IL5RA: variants seen among roughly 807,000 people sequenced by gnomAD.
The protein encoded by IL5RA is interleukin 5 receptor subunit alpha, also known as interleukin-5 receptor subunit alpha.
IL5RA carries 49 observed loss-of-function variants against 50.0 expected under a neutral mutation model. The ratio of observed to expected loss-of-function variants is 0.98; its 90% CI spans 0.78 to 1.24. The LOEUF (loss-of-function observed/expected upper bound fraction) is 1.24, where lower values mean the gene tolerates loss of function less well. Ranked by LOEUF, IL5RA falls within the 50% of genes most tolerant of loss-of-function variation. The probability of loss-of-function intolerance (pLI) is 0.00; values close to 1 mark genes in which losing one functional copy is unlikely to be tolerated. For missense variants in IL5RA, 600 were observed against 500.4 expected (o/e 1.20, Z -1.90); for synonymous variants, 202 against 174.0 (o/e 1.16, Z -1.26).
chr3:3,079,404 C>T (rs538638892), intron 9 of IL5RA, among the ~76,000 whole-genome samples: 121 of 152,310 alleles, frequency 7.9e-4, no homozygotes, highest in African/African-American at 2.6e-3. Flanking sequence ...CCTGAAGCCT[C>T]GAAGTCACTT....
intron 9 of IL5RA, among the ~76,000 whole-genome samples, chr3:3,090,464 T>C (rs556990567): frequency 2.6e-5 from 4 of 152,292 alleles, no homozygotes; most frequent in South Asian, 4.1e-4. Context: ...AGTTGCTTTT[T>C]AACTGTTTCC....
At chr3:3,099,758 C>T (rs747880776) in intron 5 of IL5RA, among the ~76,000 whole-genome samples, 8 of 151,790 alleles carry the variant, frequency 5.3e-5, no homozygotes, top group Non-Finnish European at 1.2e-4. Context: ...CAACCTCACC[C>T]TCCCGGGTTC....
intron 10 of IL5RA, 91 bp from the exon 11 acceptor site, chr3:3,074,957 G>T: frequency 1.3e-6 from 1 of 767,726 alleles, no homozygotes; most frequent in Non-Finnish European, 2.2e-6. Context: ...GTTGATTCTA[G>T]AACCTGCTGT....
At chr3:3,090,479 C>G (rs544255330) in intron 9 of IL5RA, among the ~76,000 whole-genome samples, 21 of 151,828 alleles carry the variant, frequency 1.4e-4, no homozygotes, top group Non-Finnish European at 2.5e-4. Context: ...GTTTCCTTCT[C>G]TCATACAATG....
At chr3:3,096,133 C>G (rs1360304350) in intron 7 of IL5RA, among the ~76,000 whole-genome samples, 1 of 152,086 alleles carries the variant, frequency 6.6e-6, no homozygotes, top group Non-Finnish European at 1.5e-5. Context: ...AAAAAATTAG[C>G]TGAGCGTGGT....
chr3:3,095,485 A>C (rs1200740375), intron 7 of IL5RA, 41 bp from the exon 8 acceptor site: 1 of 1,486,342 alleles, frequency 6.7e-7, no homozygotes, highest in African/African-American at 1.4e-5. Flanking sequence ...TTTTTTTAGA[A>C]TCAGTGATCA....
At chr3:3,100,476 T>C (rs1427398106) in intron 5 of IL5RA, among the ~76,000 whole-genome samples, 1 of 152,218 alleles carries the variant, frequency 6.6e-6, no homozygotes, top group Admixed American at 6.5e-5. Flanking sequence ...ACCAACCTAA[T>C]ATATATTTGT....
chr3:3,106,037 A>G (rs926294061), intron 2 of IL5RA, among the ~76,000 whole-genome samples: 23 of 152,168 alleles, frequency 1.5e-4, no homozygotes, highest in African/African-American at 5.6e-4. Context: ...TGGCTGTTAT[A>G]CATGATGGAA....
rs1210907446 is a variant in IL5RA, at chr3:3,089,472, C to G, written c.994+2752G>C. Reference sequence around the variant, plus strand: ...CACTGCCCGAGACTTTCCTGAAGACCTACCCCATAGCTTAAGCGAATGAAT... The same window carrying G: ...CACTGCCCGAGACTTTCCTGAAGACGTACCCCATAGCTTAAGCGAATGAAT... On this transcript the variant is annotated intron_variant, in intron 9 of 11. Coordinates refer to ENST00000446632, the MANE Select transcript of IL5RA (RefSeq NM_175726.4). 3.9e-5 allele frequency among the ~76,000 whole-genome samples: 6 copies of G among 152,308 alleles called. No individual in the cohort carries two copies. The East Asian group carries it at 1.2e-3, about 29-fold the overall frequency.
At chr3:3,078,923 C>T (rs575625086) in intron 9 of IL5RA, among the ~76,000 whole-genome samples, 49 of 152,188 alleles carry the variant, frequency 3.2e-4, no homozygotes, top group African/African-American at 1.0e-3. Context: ...GTGACTTCCT[C>T]CTAGTCTAAT....
intron 11 of IL5RA, among the ~76,000 whole-genome samples, chr3:3,072,442 T>C (rs1702334941): frequency 6.6e-6 from 1 of 152,242 alleles, no homozygotes. Context: ...GTTGTTATTT[T>C]ACACACATGA....
chr3:3,090,257 C>G, intron 9 of IL5RA: 1 of 1,588,294 alleles, frequency 6.3e-7, no homozygotes. Flanking sequence ...CTTGAGAACC[C>G]TAGGAAACAG....
At chr3:3,109,058 C>G (rs1318012463) in intron 1 of IL5RA, among the ~76,000 whole-genome samples, 2 of 152,138 alleles carry the variant, frequency 1.3e-5, no homozygotes, top group Non-Finnish European at 2.9e-5. Context: ...ATTCACATGG[C>G]TATAAAAGCA....
At chr3:3,083,723 A>C (rs1702747655) in intron 9 of IL5RA, among the ~76,000 whole-genome samples, 1 of 152,230 alleles carries the variant, frequency 6.6e-6, no homozygotes, top group East Asian at 1.9e-4. Context: ...GGATGTAGTC[A>C]TCACATAGAA....
intron 10 of IL5RA, among the ~76,000 whole-genome samples, chr3:3,075,329 A>G (rs1278362124): frequency 1.4e-5 from 2 of 147,438 alleles, no homozygotes; most frequent in Non-Finnish European, 3.0e-5. Flanking sequence ...CAGCCTCCTG[A>G]GTAGCTGGGA....
chr3:3,104,836 T>A, intron 3 of IL5RA, 67 bp downstream of exon 3: 1 of 972,072 alleles, frequency 1.0e-6, no homozygotes, highest in Non-Finnish European at 1.6e-6. Context: ...TAAGAGGAAA[T>A]AATGTTATCC....
chr3:3,087,453 T>C (rs1036024520), intron 9 of IL5RA, among the ~76,000 whole-genome samples: 1 of 152,206 alleles, frequency 6.6e-6, no homozygotes, highest in East Asian at 1.9e-4. Context: ...GTGTCTCATT[T>C]TTTAAATTAA....
At chr3:3,079,286 T>C (rs936864424) in intron 9 of IL5RA, among the ~76,000 whole-genome samples, 1 of 152,186 alleles carries the variant, frequency 6.6e-6, no homozygotes, top group African/African-American at 2.4e-5. Context: ...TGCTCGGATG[T>C]TTCTCAAGGC....
chr3:3,100,333 C>T (rs947264403), intron 5 of IL5RA, among the ~76,000 whole-genome samples: 10 of 149,744 alleles, frequency 6.7e-5, no homozygotes, highest in Non-Finnish European at 3.0e-5. Context: ...AGATGGATTT[C>T]TTCTTCATAT....
Sources: allele counts gnomAD v4.1 joint callset (sites outside exome capture counted in the v4.1 genomes callset), GRCh38; gene constraint gnomAD v4.1.1; transcripts MANE v1.5; gene names NCBI Gene and HGNC (gene_info 2026-07-23, HGNC 2026-07-21).